The following LTBP4 variants were observed in gnomAD, a reference collection of about 807,000 sequenced individuals.
LTBP4 encodes latent transforming growth factor beta binding protein 4.
In LTBP4, 93 loss-of-function variants were observed where a neutral mutation model predicts 180.2. The observed-to-expected ratio is 0.52, with a 90% CI of 0.44 to 0.61. The LOEUF is 0.61. Ranked by LOEUF, LTBP4 falls within the 20% of genes least tolerant of loss-of-function variation. The probability of loss-of-function intolerance (pLI) is 0.00; values close to 1 mark genes in which losing one functional copy is unlikely to be tolerated. For missense variants in LTBP4, 2,116 were observed against 2,256.5 expected, an observed-to-expected ratio of 0.94 and a Z score of 1.26; for synonymous variants, 947 against 934.5, an observed-to-expected ratio of 1.01 and a Z score of -0.24.
chr19:40,619,993 G>C (rs1005931969), intron 22 of LTBP4, among the ~76,000 whole-genome samples: 1 of 152,182 alleles, frequency 6.6e-6, no homozygotes, highest in Non-Finnish European at 1.5e-5. Context: ...AGCCAGGCCC[G>C]ATGAGTGAGG....
chr19:40,629,438 G>A lies in LTBP4; in HGVS notation c.4562G>A (p.Cys1521Tyr). 1 of 1,612,642 alleles carries A rather than the reference G, an allele frequency of 6.2e-7. No individual in the cohort carries two copies. The highest frequency in any genetic ancestry group is 8.5e-7 in the Non-Finnish European group (1 of 1,179,454). Residue 1521 changes from cysteine to tyrosine, a missense_variant, in exon 30 of 30, where the codon TGC becomes TAC. Physicochemically the swap from Cys to Tyr is radical, Grantham distance 194. This residue lies in a region of LTBP4 where 488 missense variants were observed against 458.8 expected (regional missense o/e 1.06). Transcript: ENST00000396819. The surrounding 1 kb of genome is among the most constrained non-coding windows in gnomAD (Gnocchi z 4.5). ...CDEAEAASPLCVNARCLNTDG... is the reference protein window; with the variant it reads ...CDEAEAASPLYVNARCLNTDG... ...GAGGCCGAGGCTGCCTCCCCGCTGTGCGTCAACGCGCGTTGCCTCAACACG... is the reference window on the plus strand; with the variant it reads ...GAGGCCGAGGCTGCCTCCCCGCTGTACGTCAACGCGCGTTGCCTCAACACG...
rs189305306 is a variant in LTBP4 at position 40,613,820 on chromosome 19, G to A, written c.2558-96G>A. 4.4e-4 allele frequency: 693 copies of A among 1,557,968 alleles called. 6 individuals carry two copies. In the East Asian group the frequency reaches 0.012, roughly 28 times the overall value. The stretch of plus-strand genomic sequence containing the variant: ...GTGAGGCAGGTTGGGGAAGGCGTGA[G>A]AGGCCTAGGAGAGCCGAGGGGCGGT... On this transcript the variant is annotated intron_variant, in intron 17 of 29. Coordinates refer to ENST00000396819, the MANE Select transcript of LTBP4 (RefSeq NM_001042545.2). This position sits in a 1 kb window ranked among gnomAD's most constrained non-coding sequence, Gnocchi z 5.0.
Position 40,619,224 on chromosome 19 carries a change from A to G in LTBP4, c.3071-123A>G, listed in dbSNP as rs1049675189. ...CAAGGTTTCTCACTAGAAGAAAAAC[A>G]GATGATGGGATCTGGGCCATTAAAT... On this transcript the variant is annotated intron_variant, in intron 21 of 29. Coordinates refer to ENST00000396819, the MANE Select transcript of LTBP4 (RefSeq NM_001042545.2). The G allele has an allele frequency of 4.2e-6, 4 of 962,062 alleles. No homozygotes were observed. The African/African-American group carries it at 6.6e-5, about 16-fold the overall frequency. 59.6% of individuals were successfully genotyped at this position (962,062 alleles called of 1,614,324 possible). A position where few individuals can be genotyped will look rare whatever the true frequency, so the allele number is the denominator to read the frequency against.
chr19:40,613,771 G>A lies in LTBP4; in HGVS notation c.2558-145G>A. Reference sequence around the variant, plus strand: ...AGCTGTTCTAAACCCGTCGGGGGGCGGTGTTTGCAGGGAGGGAAGTAGCGT... The same window carrying A: ...AGCTGTTCTAAACCCGTCGGGGGGCAGTGTTTGCAGGGAGGGAAGTAGCGT... On this transcript the variant is annotated intron_variant, in intron 17 of 29. Transcript: ENST00000396819. This position sits in a 1 kb window ranked among gnomAD's most constrained non-coding sequence, Gnocchi z 5.0. 3.0e-6 allele frequency: 4 copies of A among 1,324,340 alleles called. No individual in the cohort carries two copies. Among genetic ancestry groups the A allele is most frequent in the Non-Finnish European group, 4.2e-6 (4 of 951,842 alleles). The allele number at this position is 1,324,340 out of a possible 1,614,324, so 82.0% of individuals were successfully genotyped here.
chr19:40,599,581 C>T, upstream of LTBP4: 1 of 1,593,764 alleles, frequency 6.3e-7, no homozygotes, highest in Non-Finnish European at 8.5e-7. Context: ...CCTCCCCTAC[C>T]AAATCCTCCC....
intron 1 of LTBP4, chr19:40,594,577 C>G (rs534162750): frequency 6.6e-6 from 1 of 152,010 alleles, no homozygotes; most frequent in Non-Finnish European, 1.5e-5. Flanking sequence ...AGGGGGGAAG[C>G]GGGTAGGGAT....
upstream of LTBP4, chr19:40,599,157 G>A (rs757487516): frequency 3.8e-6 from 6 of 1,567,854 alleles, no homozygotes; most frequent in Non-Finnish European, 5.2e-6. Context: ...GAGTTCTGGG[G>A]TGCTAGGGGC....
chr19:40,615,193 C>CGGGGGG (rs766440164), intron 19 of LTBP4: 8 of 23,580 alleles, frequency 3.4e-4, no homozygotes, highest in Non-Finnish European at 5.2e-4. Context: ...TTTGTGTCGG[C>CGGGGGG]GGGGGGGGGG....
At position 40,601,420 on chromosome 19, in the gene LTBP4, G is replaced by C. The variant is rs959428065; in HGVS notation, c.33G>C (p.Ser11=). 7.7e-6 allele frequency: 11 copies of C among 1,423,850 alleles called. No homozygotes were observed. In the African/African-American group the frequency reaches 1.2e-4, roughly 15 times the overall value. 88.2% of individuals were successfully genotyped at this position (1,423,850 alleles called of 1,614,324 possible). Residue 11 remains serine (S), a synonymous_variant, in exon 1 of 30, where the codon TCG becomes TCC. Transcript: ENST00000396819. MAGGVRLLWV[S]LLVLLAQLGP... ...GCGGCGTGCGGCTGCTCTGGGTGTC[G>C]CTATTGGTGCTGCTGGCGCAGCTAG...
At chr19:40,597,205 C>G (rs1333435612), upstream of LTBP4, 3 of 1,431,860 alleles carry the variant, frequency 2.1e-6, no homozygotes, top group South Asian at 1.5e-5. Context: ...ACAGACCGCC[C>G]GCCCGGAGCG....
upstream of LTBP4, among the ~76,000 whole-genome samples, chr19:40,596,620 C>T (rs997658847): frequency 5.9e-5 from 9 of 152,058 alleles, no homozygotes; most frequent in Non-Finnish European, 1.0e-4. Flanking sequence ...CCCTGAAGCC[C>T]AGGGTCTTGA....
rs771409653 is a variant in LTBP4, at chr19:40,627,135, C to T, written c.4146C>T (p.Tyr1382=). ...TGTACCCACCACCTGCGCTACCCTACGACCCCTACCCACCGCCACCTGGGC... is the reference window on the plus strand; with the variant it reads ...TGTACCCACCACCTGCGCTACCCTATGACCCCTACCCACCGCCACCTGGGC... ...PELYPPPALP[Y]DPYPPPPGPF... is the part of the protein sequence containing the mutation. The change falls in exon 28 of 30, where the codon TAC becomes TAT. Residue 1382 remains tyrosine (Y), a synonymous_variant. Coordinates refer to ENST00000396819, the MANE Select transcript of LTBP4 (RefSeq NM_001042545.2). 8 of 1,613,810 alleles carry T rather than the reference C, an allele frequency of 5.0e-6. No individual in the cohort carries two copies. The highest frequency in any genetic ancestry group is 2.2e-5 in the East Asian group (1 of 44,858).
rs2081457869 is a variant in LTBP4, at chr19:40,605,898, A to G, written c.793+67A>G. 1.4e-6 allele frequency: 2 copies of G among 1,473,826 alleles called. No individual in the cohort carries two copies. Among genetic ancestry groups the G allele is most frequent in the Non-Finnish European group, 1.8e-6 (2 of 1,097,084 alleles). The allele number at this position is 1,473,826 out of a possible 1,614,324, so 91.3% of individuals were successfully genotyped here. On this transcript the variant is annotated intron_variant, in intron 4 of 29. Transcript: ENST00000396819. This position sits in a 1 kb window ranked among gnomAD's most constrained non-coding sequence, Gnocchi z 5.5. ...TGGTGACAACCTCACCGTTCCTCCTACTCTGCCCTAGATAAACCCAGTTCA... is the reference window on the plus strand; with the variant it reads ...TGGTGACAACCTCACCGTTCCTCCTGCTCTGCCCTAGATAAACCCAGTTCA...
intron 11 of LTBP4, 181 bp downstream of exon 11, chr19:40,610,052 A>AC (rs2081493826): frequency 2.6e-6 from 2 of 782,768 alleles, no homozygotes; most frequent in East Asian, 3.0e-5. Context: ...CCTCCCTTTG[A>AC]CCCCACCCCT....
At chr19:40,608,664 G>A in intron 9 of LTBP4, 61 bp downstream of exon 9, 2 of 1,535,312 alleles carry the variant, frequency 1.3e-6, no homozygotes, top group South Asian at 1.2e-5. Flanking sequence ...TGTAATCCCA[G>A]CATTTTGGGA....
chr19:40,609,582 C>A lies in LTBP4; in HGVS notation c.1479C>A (p.Arg493=), dbSNP rs2081489151. The A allele has an allele frequency of 1.2e-6, 2 of 1,613,534 alleles. No individual in the cohort carries two copies. The highest frequency in any genetic ancestry group is 1.6e-4 in the Middle Eastern group (1 of 6,062). Residue 493 remains arginine, a synonymous_variant, in exon 10 of 30, where the codon CGC becomes CGA. Coordinates refer to ENST00000396819, the MANE Select transcript of LTBP4 (RefSeq NM_001042545.2). The surrounding 1 kb of genome is among the most constrained non-coding windows in gnomAD (Gnocchi z 4.9). ...ACCCCCAGGTCTGCGGCCCAGGACG[C>A]TGCATTTCCCGGCCCAGCGGCTACA... ...QRNPQVCGPG[R]CISRPSGYTC...
intron 11 of LTBP4, chr19:40,610,127 CG>C (rs1169274338): frequency 7.6e-6 from 4 of 526,696 alleles, no homozygotes; most frequent in African/African-American, 5.8e-5. Context: ...TCCGCCCCCA[CG>C]CCCAGGCCCC....
upstream of LTBP4, among the ~76,000 whole-genome samples, chr19:40,600,742 C>T (rs1244744280): frequency 6.6e-6 from 1 of 152,128 alleles, no homozygotes; most frequent in Non-Finnish European, 1.5e-5. The surrounding 1 kb of genome is among the most constrained non-coding windows in gnomAD (Gnocchi z 4.4). Flanking sequence ...ATGTTAGTAC[C>T]CCCGCCCACA....
intron 1 of LTBP4, among the ~76,000 whole-genome samples, chr19:40,594,339 A>G (rs2081380293): frequency 6.6e-6 from 1 of 151,956 alleles, no homozygotes; most frequent in East Asian, 1.9e-4. Context: ...TTAGGATTCA[A>G]GAGGTGACAT....
Sources: allele counts gnomAD v4.1 joint callset (sites outside exome capture counted in the v4.1 genomes callset), GRCh38; gene constraint gnomAD v4.1.1; regional missense constraint gnomAD v4.1.1; non-coding constraint Gnocchi (gnomAD v3.1); transcripts MANE v1.5; gene names NCBI Gene and HGNC (gene_info 2026-07-23, HGNC 2026-07-21).